ITGA2: variants seen among roughly 807,000 people sequenced by gnomAD.
The protein encoded by ITGA2 is integrin subunit alpha 2, also known as integrin alpha-2.
A neutral mutation model predicts 146.3 loss-of-function variants in ITGA2; 101 were observed. The observed-to-expected ratio is 0.69, with a 90% CI of 0.59 to 0.81. The LOEUF (loss-of-function observed/expected upper bound fraction) is 0.81. ITGA2 is among the 40% of genes least tolerant of loss of function. The pLI is 0.00. For synonymous variants in ITGA2, 477 were observed against 487.1 expected (o/e 0.98, Z 0.27); for missense variants, 1,281 against 1,402.7 (o/e 0.91, Z 1.39).
At chr5:52,991,329 CATGA>C (rs1740942914) in intron 1 of ITGA2, among the ~76,000 whole-genome samples, 1 of 152,098 alleles carries the variant, frequency 6.6e-6, no homozygotes, top group African/African-American at 2.4e-5. Context: ...CCCAGGTTAA[CATGA>C]ATAAGTGAAA....
rs1400049804 is a variant in ITGA2 at position 53,003,000 on chromosome 5, A to G, written c.64+13468A>G. 3.9e-5 allele frequency among the ~76,000 whole-genome samples: 6 copies of G among 152,314 alleles called. No homozygotes were observed. The East Asian group carries it at 9.7e-4, about 25-fold the overall frequency. On this transcript the variant is annotated intron_variant, in intron 1 of 29. Transcript: ENST00000296585. The stretch of plus-strand genomic sequence containing the variant: ...AATTTGAGCTAGAAGAAACCTCAAG[A>G]TATCATCTAGTTCAGTGTCCTGCTT...
intron 1 of ITGA2, among the ~76,000 whole-genome samples, chr5:53,002,974 A>G (rs1466785201): frequency 6.6e-6 from 1 of 152,186 alleles, no homozygotes; most frequent in Non-Finnish European, 1.5e-5. Flanking sequence ...GGTATTCTAG[A>G]AATTTGAGCT....
intron 16 of ITGA2, among the ~76,000 whole-genome samples, chr5:53,067,590 C>T (rs917609894): frequency 6.6e-6 from 1 of 151,844 alleles, no homozygotes; most frequent in African/African-American, 2.4e-5. Flanking sequence ...TGAACTGCCA[C>T]TCAAATGACT....
intron 28 of ITGA2, 80 bp from the exon 29 acceptor site, chr5:53,089,866 A>G (rs1307601986): frequency 1.2e-6 from 1 of 855,388 alleles, no homozygotes; most frequent in Non-Finnish European, 2.0e-6. Flanking sequence ...CTTCACTTAC[A>G]GAATTAGAGA....
intron 7 of ITGA2, among the ~76,000 whole-genome samples, chr5:53,053,801 A>G (rs1378798725): frequency 6.6e-6 from 1 of 152,140 alleles, no homozygotes; most frequent in Non-Finnish European, 1.5e-5. Context: ...TCTTTAAAAC[A>G]TTGAAGATAA....
At chr5:53,038,411 T>A (rs1319317353) in intron 2 of ITGA2, among the ~76,000 whole-genome samples, 4 of 152,170 alleles carry the variant, frequency 2.6e-5, no homozygotes, top group African/African-American at 9.6e-5. Flanking sequence ...GAACATGCCT[T>A]GTTCCTACCT....
chr5:53,034,559 T>G (rs777859726), intron 2 of ITGA2, among the ~76,000 whole-genome samples: 5 of 152,314 alleles, frequency 3.3e-5, no homozygotes, highest in Middle Eastern at 3.4e-3. Flanking sequence ...GTGGGAGAGA[T>G]ATGTTGCTCC....
chr5:53,020,730 G>A (rs1304077253), intron 1 of ITGA2, among the ~76,000 whole-genome samples: 1 of 151,170 alleles, frequency 6.6e-6, no homozygotes, highest in African/African-American at 2.4e-5. Flanking sequence ...CACCCAGGCT[G>A]GAGTGCAGTG....
chr5:53,010,830 G>A (rs985319758), intron 1 of ITGA2, among the ~76,000 whole-genome samples: 2 of 152,098 alleles, frequency 1.3e-5, no homozygotes, highest in African/African-American at 2.4e-5. Context: ...TTACAGATGT[G>A]GTGGTTAAGG....
At chr5:53,036,568 T>A (rs918290588) in intron 2 of ITGA2, among the ~76,000 whole-genome samples, 2 of 152,140 alleles carry the variant, frequency 1.3e-5, no homozygotes, top group Admixed American at 6.6e-5. Context: ...TACTTAAATA[T>A]TACCTTCTCA....
chr5:52,999,840 C>T (rs1038470745), intron 1 of ITGA2, among the ~76,000 whole-genome samples: 2 of 151,996 alleles, frequency 1.3e-5, no homozygotes, highest in African/African-American at 4.8e-5. Flanking sequence ...AGCATGTCTC[C>T]CAACACAGCT....
chr5:53,019,730 T>G (rs1281918284), intron 1 of ITGA2, among the ~76,000 whole-genome samples: 2 of 152,136 alleles, frequency 1.3e-5, no homozygotes, highest in Admixed American at 1.3e-4. Flanking sequence ...TTCCCCATCT[T>G]GGCCAGGCTG....
chr5:53,056,121 A>G lies in ITGA2; in HGVS notation c.1068A>G (p.Thr356=), dbSNP rs764542534. 3.7e-6 allele frequency: 6 copies of G among 1,611,986 alleles called. No homozygotes were observed. The South Asian group carries it at 6.6e-5, about 18-fold the overall frequency. Residue 356 remains threonine, a synonymous_variant, in exon 9 of 30, where the codon ACA becomes ACG. Coordinates refer to ENST00000296585, the MANE Select transcript of ITGA2 (RefSeq NM_002203.4). ...DEAALLEKAG[T]LGEQIFSIEG... ...CAGCTCTACTAGAAAAGGCTGGGAC[A>G]TTAGGAGAACAAATTTTCAGCATTG...
chr5:53,087,372 C>G (rs942200831), intron 28 of ITGA2, among the ~76,000 whole-genome samples: 1 of 152,166 alleles, frequency 6.6e-6, no homozygotes, highest in African/African-American at 2.4e-5. Flanking sequence ...CCAGCAGCAC[C>G]AGTTCTTCCT....
chr5:53,048,429 A>T lies in ITGA2; in HGVS notation c.454A>T (p.Ile152Phe). 6.2e-7 allele frequency: 1 copy of T among 1,614,156 alleles called. No individual in the cohort carries two copies. The highest frequency in any genetic ancestry group is 8.5e-7 in the Non-Finnish European group (1 of 1,179,996). Residue 152 changes from isoleucine (I) to phenylalanine (F), a missense_variant, in exon 5 of 30, where the codon ATC becomes TTC. Coordinates refer to ENST00000296585, the MANE Select transcript of ITGA2 (RefSeq NM_002203.4). ...QYYTTGVCSD[I>F]SPDFQLSASF... ...TTACACAACGGGTGTGTGTTCTGAC[A>T]TCAGTCCTGATTTTCAGCTCTCAGC...
At chr5:53,015,584 A>G (rs896217313) in intron 1 of ITGA2, among the ~76,000 whole-genome samples, 2 of 152,076 alleles carry the variant, frequency 1.3e-5, no homozygotes, top group Non-Finnish European at 2.9e-5. Context: ...TGGTGTAGAA[A>G]GTTCTTAGAT....
chr5:53,022,751 A>G (rs913029435), intron 1 of ITGA2, among the ~76,000 whole-genome samples: 1 of 152,134 alleles, frequency 6.6e-6, no homozygotes, highest in East Asian at 1.9e-4. Context: ...TTTTTTGTAG[A>G]GATGAGGTCT....
chr5:53,018,096 T>G (rs1438238367), intron 1 of ITGA2, among the ~76,000 whole-genome samples: 1 of 151,996 alleles, frequency 6.6e-6, no homozygotes, highest in African/African-American at 2.4e-5. Flanking sequence ...AGGCTGGAGC[T>G]CCAGGAAAGG....
At chr5:53,089,047 T>C (rs1248440883) in intron 28 of ITGA2, 1 of 152,316 alleles carries the variant, frequency 6.6e-6, no homozygotes, top group South Asian at 2.1e-4. Context: ...TATTCATAAA[T>C]TGATAAAGCC....
Sources: gnomAD v4.1 joint callset for allele counts (sites outside exome capture counted in the v4.1 genomes callset) on GRCh38, gnomAD v4.1.1 for gene constraint, MANE v1.5 for transcripts, NCBI Gene and HGNC (gene_info 2026-07-23, HGNC 2026-07-21) for gene names.